SCIN: variants seen among roughly 807,000 people sequenced by gnomAD.
SCIN encodes adseverin.
SCIN carries 91 observed loss-of-function variants against 91.8 expected under a neutral mutation model. The ratio of observed to expected loss-of-function variants is 0.99; its 90% CI spans 0.84 to 1.18. SCIN has a LOEUF of 1.18. Among genes scored for constraint, SCIN ranks in the 50% most tolerant of loss-of-function variants. The pLI is 0.00. For synonymous variants in SCIN, 367 were observed against 312.6 expected, an observed-to-expected ratio of 1.17 and a Z score of -1.84; for missense variants, 1,087 against 863.9, an observed-to-expected ratio of 1.26 and a Z score of -3.24.
chr7:12,629,256 C>G, intron 9 of SCIN, 34 bp downstream of exon 9: 2 of 1,577,972 alleles, frequency 1.3e-6, no homozygotes, highest in South Asian at 1.2e-5. Context: ...TCGAGTTCCA[C>G]AGGAGCCAGA....
At chr7:12,613,407 A>C (rs1355231470) in intron 4 of SCIN, among the ~76,000 whole-genome samples, 1 of 152,180 alleles carries the variant, frequency 6.6e-6, no homozygotes, top group Non-Finnish European at 1.5e-5. Context: ...GTTTCCTCTT[A>C]CATATTGTGC....
chr7:12,598,682 C>T (rs1025561905), intron 3 of SCIN, among the ~76,000 whole-genome samples: 9 of 152,212 alleles, frequency 5.9e-5, no homozygotes, highest in African/African-American at 2.2e-4. Context: ...CGCTTGAACC[C>T]AGGACATCGA....
At chr7:12,572,109 TA>T (rs1194676617) in intron 1 of SCIN, among the ~76,000 whole-genome samples, 1 of 152,146 alleles carries the variant, frequency 6.6e-6, no homozygotes, top group Non-Finnish European at 1.5e-5. Flanking sequence ...AGAAACAAAA[TA>T]ATAGAAAACA....
At chr7:12,573,838 G>A (rs1454992815) in intron 1 of SCIN, among the ~76,000 whole-genome samples, 2 of 152,126 alleles carry the variant, frequency 1.3e-5, no homozygotes, top group Non-Finnish European at 2.9e-5. Context: ...ACCAGGCCTT[G>A]TGCAATGCCC....
Position 12,596,396 on chromosome 7 carries a change from C to T in SCIN, c.517-8118C>T, listed in dbSNP as rs1299493922. 9 of 454,996 alleles carry T rather than the reference C, an allele frequency of 2.0e-5. No individual in the cohort carries two copies. The East Asian group carries it at 6.3e-4, about 32-fold the overall frequency. 28.2% of individuals were successfully genotyped at this position (454,996 alleles called of 1,614,324 possible). On this transcript the variant is annotated intron_variant, in intron 3 of 15. Transcript: ENST00000297029. The stretch of plus-strand genomic sequence containing the variant: ...GTGTGGACCATCAGGAAATGGCCTC[C>T]CTGATGTCTGCATTCACTTTAGTGC...
intron 3 of SCIN, among the ~76,000 whole-genome samples, chr7:12,594,091 C>T (rs890646575): frequency 6.6e-6 from 1 of 152,124 alleles, no homozygotes; most frequent in Non-Finnish European, 1.5e-5. Context: ...GGAGAGGAAG[C>T]AAGGGAGCTG....
chr7:12,643,689 A>G (rs912913449), intron 11 of SCIN, among the ~76,000 whole-genome samples: 6 of 152,180 alleles, frequency 3.9e-5, no homozygotes, highest in East Asian at 3.9e-4. Context: ...AAGCAGCACC[A>G]TTTGGCACAG....
At chr7:12,619,267 A>T (rs931539851) in intron 4 of SCIN, among the ~76,000 whole-genome samples, 9 of 152,156 alleles carry the variant, frequency 5.9e-5, no homozygotes, top group African/African-American at 2.2e-4. Context: ...TAAAGTGGCC[A>T]AACATCTTGA....
chr7:12,576,768 T>A (rs1407818686), intron 1 of SCIN, among the ~76,000 whole-genome samples: 5 of 152,158 alleles, frequency 3.3e-5, no homozygotes, highest in East Asian at 1.9e-4. Context: ...TAAGCCTCCA[T>A]TTTCTCTGTT....
At chr7:12,574,002 C>T (rs1562591457) in intron 1 of SCIN, among the ~76,000 whole-genome samples, 2 of 152,076 alleles carry the variant, frequency 1.3e-5, no homozygotes, top group South Asian at 4.1e-4. Context: ...TCTTACAAAA[C>T]CAAATATACT....
chr7:12,629,873 A>C (rs1783606547), intron 9 of SCIN, among the ~76,000 whole-genome samples: 1 of 152,176 alleles, frequency 6.6e-6, no homozygotes, highest in South Asian at 2.1e-4. Context: ...GGGATTCTGC[A>C]ACAAATTATA....
At chr7:12,571,667 T>A (rs1782274168) in intron 1 of SCIN, 2 of 421,550 alleles carry the variant, frequency 4.7e-6, no homozygotes, top group Admixed American at 3.3e-5. Flanking sequence ...AATAAATAGC[T>A]CTATATGGGT....
At chr7:12,594,096 G>C (rs1023802117) in intron 3 of SCIN, among the ~76,000 whole-genome samples, 1 of 152,204 alleles carries the variant, frequency 6.6e-6, no homozygotes, top group Non-Finnish European at 1.5e-5. Context: ...GGAAGCAAGG[G>C]AGCTGGTTGC....
At chr7:12,624,616 A>G (rs780293687) in intron 5 of SCIN, among the ~76,000 whole-genome samples, 1 of 152,206 alleles carries the variant, frequency 6.6e-6, no homozygotes, top group Non-Finnish European at 1.5e-5. Context: ...AGATTACTCT[A>G]AAATGTACAA....
At position 12,651,953 on chromosome 7, in the gene SCIN, G is replaced by A. The variant is rs370629408; in HGVS notation, c.2020+52G>A. ...GCAGTAACCGGGCACCATTATGACC[G>A]AGTGTCTGGCTTGCTCTTTGCCACC... is the stretch of plus-strand genomic sequence containing the variant. On this transcript the variant is annotated intron_variant, in intron 15 of 15. Coordinates refer to ENST00000297029, the MANE Select transcript of SCIN (RefSeq NM_001112706.3). This position sits in a 1 kb window ranked among gnomAD's most constrained non-coding sequence, Gnocchi z 5.9. 2.2e-4 allele frequency: 281 copies of A among 1,263,494 alleles called. 1 individual carries two copies. The highest frequency in any genetic ancestry group is 3.7e-4 in the Middle Eastern group (2 of 5,374). The allele number at this position is 1,263,494 out of a possible 1,614,324, so 78.3% of individuals were successfully genotyped here.
At chr7:12,640,306 C>G (rs1783830970) in intron 10 of SCIN, 41 bp from the exon 11 acceptor site, 2 of 1,476,410 alleles carry the variant, frequency 1.4e-6, no homozygotes, top group African/African-American at 2.9e-5. Flanking sequence ...TTTCACAGCA[C>G]TCTTAATTAT....
intron 3 of SCIN, among the ~76,000 whole-genome samples, chr7:12,592,089 A>G (rs1411532790): frequency 1.3e-5 from 2 of 152,170 alleles, no homozygotes; most frequent in African/African-American, 4.8e-5. Flanking sequence ...AGGACAGTCC[A>G]TGTGAGTTGT....
At chr7:12,649,646 G>T (rs1352244793) in intron 14 of SCIN, 102 bp downstream of exon 14, 8 of 616,314 alleles carry the variant, frequency 1.3e-5, no homozygotes, top group Non-Finnish European at 1.9e-5. Context: ...TGAGCCTAGA[G>T]ATTTAGGCTG....
intron 3 of SCIN, among the ~76,000 whole-genome samples, chr7:12,597,603 A>G (rs548422765): frequency 6.6e-5 from 10 of 152,284 alleles, no homozygotes; most frequent in African/African-American, 1.9e-4. Flanking sequence ...GGCTGCACTT[A>G]TTAACTCAAC....
Sources: allele counts gnomAD v4.1 joint callset (sites outside exome capture counted in the v4.1 genomes callset), GRCh38; gene constraint gnomAD v4.1.1; non-coding constraint Gnocchi (gnomAD v3.1); transcripts MANE v1.5; gene names NCBI Gene and HGNC (gene_info 2026-07-23, HGNC 2026-07-21).